The following LRRN2 variants were observed in gnomAD, a reference collection of about 807,000 sequenced individuals.
LRRN2 encodes the protein leucine rich repeat neuronal 2.
A neutral mutation model predicts 35.7 loss-of-function variants in LRRN2; 10 were observed. The ratio of observed to expected loss-of-function variants is 0.28; its 90% CI spans 0.17 to 0.47. The LOEUF is 0.47. Among genes scored for constraint, LRRN2 ranks in the 20% least tolerant of loss-of-function variants. The probability of loss-of-function intolerance (pLI) is 0.99; values close to 1 mark genes in which losing one functional copy is unlikely to be tolerated. For synonymous variants in LRRN2, 391 were observed against 409.6 expected (o/e 0.95, Z 0.55); for missense variants, 731 against 940.3 (o/e 0.78, Z 2.91).
chr1:204,665,816 C>T (rs938975967), intron 1 of LRRN2, among the ~76,000 whole-genome samples: 2 of 152,226 alleles, frequency 1.3e-5, no homozygotes, highest in Non-Finnish European at 2.9e-5. Context: ...TAAGGACTTC[C>T]AACAGCTCCA....
At chr1:204,623,037 GCTCCTAGGA>G (rs1045036476) in intron 1 of LRRN2, among the ~76,000 whole-genome samples, 4 of 152,094 alleles carry the variant, frequency 2.6e-5, no homozygotes, top group Admixed American at 6.5e-5. Flanking sequence ...ATAGAAGTTG[GCTCCTAGGA>G]CTCCTAGGGC....
chr1:204,654,780 T>C (rs11240243), intron 1 of LRRN2, among the ~76,000 whole-genome samples: 61,705 of 151,860 alleles, frequency 0.41, 13,740 homozygotes, highest in Admixed American at 0.51. Context: ...TGAGAGCTGA[T>C]GGAGCTCACC....
rs994104025 is a variant in LRRN2, at chr1:204,647,222, G to T, written c.-226-27004C>A. Among the ~76,000 whole-genome samples the T allele has an allele frequency of 1.3e-5, 2 of 151,648 alleles. 1 individual carries two copies. The highest frequency in any genetic ancestry group is 2.9e-5 in the Non-Finnish European group (2 of 67,984). On this transcript the variant is annotated intron_variant, in intron 1 of 1. Transcript: ENST00000367177. The stretch of plus-strand genomic sequence containing the variant: ...GGCCTTAAAGAGACTGGTCTGGCAG[G>T]GTTAATAGTTTCTTTCCTTCAATAG...
rs540485248 is a variant in LRRN2 at position 204,656,476 on chromosome 1, C to T, written c.-227+28844G>A. On this transcript the variant is annotated intron_variant, in intron 1 of 1. Transcript: ENST00000367177. ...TAACAATTTGTCTCTCCCTGAGGTT[C>T]ATGTCATCTTTCTTGTTTTCCACCT... Among the ~76,000 whole-genome samples, 358 of 152,282 alleles carry T rather than the reference C, an allele frequency of 2.4e-3. 2 individuals carry two copies. The highest frequency in any genetic ancestry group is 8.4e-3 in the African/African-American group (351 of 41,564).
chr1:204,662,937 A>G (rs2772233), intron 1 of LRRN2, among the ~76,000 whole-genome samples: 37,303 of 152,150 alleles, frequency 0.25, 4,902 homozygotes, highest in Non-Finnish European at 0.3. Context: ...GCTGGAAAAA[A>G]AAAGGCCTCA....
intron 1 of LRRN2, chr1:204,629,662 TC>T: frequency 5.7e-6 from 1 of 174,000 alleles, no homozygotes. Flanking sequence ...TTCTGAGGCC[TC>T]CCCAGCCATG....
rs116256684 is a variant in LRRN2, at chr1:204,618,958, G to A, written c.1035C>T (p.Asn345=). Residue 345 remains asparagine (N), a synonymous_variant, in exon 2 of 2, where the codon AAC becomes AAT. Coordinates refer to ENST00000367177, the MANE Select transcript of LRRN2 (RefSeq NM_201630.2). ...TCTGCTGGTGCAAGGCACTGAGAGC[G>A]TTGTTGTTGAGCATGAGGGTCTCCA... ...PQMETLMLNN[N]ALSALHQQTV... is the part of the protein sequence containing the mutation. 1,579 of 1,614,054 alleles carry A rather than the reference G, an allele frequency of 9.8e-4. 10 individuals are homozygous for A. The African/African-American group carries it at 0.016, about 16-fold the overall frequency.
chr1:204,660,965 C>T (rs938731703), intron 1 of LRRN2, among the ~76,000 whole-genome samples: 4 of 152,114 alleles, frequency 2.6e-5, no homozygotes, highest in African/African-American at 4.8e-5. Flanking sequence ...GCTCCTGGGC[C>T]TCTGGAAGCA....
rs1287446815 is a variant in LRRN2, at chr1:204,624,434, C to G, written c.-226-4216G>C. ...AGCCCTAGAGCCGTATTCCAAGAAGCAGGGTTGGTTGCCCACTCCAAGGGC... is the reference window on the plus strand; with the variant it reads ...AGCCCTAGAGCCGTATTCCAAGAAGGAGGGTTGGTTGCCCACTCCAAGGGC... On this transcript the variant is annotated intron_variant, in intron 1 of 1. Coordinates refer to ENST00000367177, the MANE Select transcript of LRRN2 (RefSeq NM_201630.2). 2.0e-5 allele frequency among the ~76,000 whole-genome samples: 3 copies of G among 152,304 alleles called. No individual in the cohort carries two copies. In the East Asian group the frequency reaches 5.8e-4, roughly 29 times the overall value.
At chr1:204,629,021 C>A (rs1667593364) in intron 1 of LRRN2, 1 of 152,390 alleles carries the variant, frequency 6.6e-6, no homozygotes, top group Non-Finnish European at 1.5e-5. Flanking sequence ...GCTTCTCCAC[C>A]TCTCTGCGTC....
chr1:204,630,615 C>G (rs977070751), intron 1 of LRRN2, among the ~76,000 whole-genome samples: 1 of 151,432 alleles, frequency 6.6e-6, no homozygotes, highest in Non-Finnish European at 1.5e-5. Flanking sequence ...AGCTGAGGCC[C>G]GGGTTTGTCT....
rs780967134 is a variant in LRRN2 at position 204,619,007 on chromosome 1, C to T, written c.986G>A (p.Arg329His). 39 of 1,610,820 alleles carry T rather than the reference C, an allele frequency of 2.4e-5. No homozygotes were observed. In the East Asian group the frequency reaches 3.3e-4, roughly 14 times the overall value. Residue 329 changes from arginine (R) to histidine (H), a missense_variant, in exon 2 of 2, where the codon CGC becomes CAC. Arg to His is a conservative substitution (Grantham distance 29). Coordinates refer to ENST00000367177, the MANE Select transcript of LRRN2 (RefSeq NM_201630.2). ...CATCTGGGGCAGGTGGTGGAAGGCG[C>T]GGGGGTGGATGAAGGACAGCCGTGG... ...NNPRLSFIHPRAFHHLPQMET... is the reference protein window; with the variant it reads ...NNPRLSFIHPHAFHHLPQMET...
chr1:204,677,744 G>A lies in LRRN2; in HGVS notation c.-227+7576C>T, dbSNP rs190581061. On this transcript the variant is annotated intron_variant, in intron 1 of 1. Coordinates refer to ENST00000367177, the MANE Select transcript of LRRN2 (RefSeq NM_201630.2). ...GGAAATGGGACTCCATGAAGCCAGA[G>A]GACTTCCAAGATCAGAGATCATCTG... 3.6e-4 allele frequency among the ~76,000 whole-genome samples: 55 copies of A among 152,276 alleles called. No homozygotes were observed. The Middle Eastern group carries it at 0.014, about 38-fold the overall frequency.
At chr1:204,649,360 C>T (rs1404791362) in intron 1 of LRRN2, among the ~76,000 whole-genome samples, 2 of 152,154 alleles carry the variant, frequency 1.3e-5, no homozygotes, top group East Asian at 1.9e-4. Context: ...TCTCTGTATC[C>T]GCAGCTCACG....
chr1:204,646,159 G>C (rs1388996412), intron 1 of LRRN2, among the ~76,000 whole-genome samples: 1 of 152,090 alleles, frequency 6.6e-6, no homozygotes, highest in Non-Finnish European at 1.5e-5. Context: ...AAGATGGGGA[G>C]GGGGGACTCC....
chr1:204,660,203 TCGTTTCTCCTTC>T (rs1668441876), intron 1 of LRRN2, among the ~76,000 whole-genome samples: 4 of 460 alleles, frequency 8.7e-3, no homozygotes, highest in African/African-American at 0.027. Context: ...CCGTCCACCC[TCGTTTCTCCTTC>T]CAGCTCCACC....
At chr1:204,630,178 C>T (rs1667647480) in intron 1 of LRRN2, among the ~76,000 whole-genome samples, 1 of 152,148 alleles carries the variant, frequency 6.6e-6, no homozygotes, top group African/African-American at 2.4e-5. Context: ...GGGACAGTGG[C>T]TTTATGGCCC....
intron 1 of LRRN2, among the ~76,000 whole-genome samples, chr1:204,631,054 G>C (rs949897256): frequency 1.3e-5 from 2 of 151,218 alleles, no homozygotes; most frequent in African/African-American, 4.9e-5. Context: ...TGCTAGAAGT[G>C]CGAGTTCCTT....
rs971289134 is a variant in LRRN2, at chr1:204,638,402, C to CTTTTTTTTTTTTTTTTT, written c.-226-18201_-226-18185dup. ...GTGAAGTAACTTGCCCAAGGTCTTC[C>CTTTTTTTTTTTTTTTTT]TTTTTTTTTTTTTTTTTTTTTTTTT... On this transcript the variant is annotated intron_variant, in intron 1 of 1. Coordinates refer to ENST00000367177, the MANE Select transcript of LRRN2 (RefSeq NM_201630.2). 4.2e-4 allele frequency among the ~76,000 whole-genome samples: 30 copies of CTTTTTTTTTTTTTTTTT among 71,676 alleles called. 6 individuals carry two copies. The highest frequency in any genetic ancestry group is 8.3e-4 in the African/African-American group (13 of 15,622). 47.0% of individuals were successfully genotyped at this position (71,676 alleles called of 152,430 possible).
Sources: allele counts gnomAD v4.1 joint callset (sites outside exome capture counted in the v4.1 genomes callset), GRCh38; gene constraint gnomAD v4.1.1; transcripts MANE v1.5; gene names NCBI Gene and HGNC (gene_info 2026-07-23, HGNC 2026-07-21).